Variants in ITPKB observed in about 807,000 individuals in gnomAD.
ITPKB encodes the protein IP3 3-kinase B.
Under a neutral mutation model 69.4 loss-of-function variants are expected in ITPKB, and 13 were observed. The observed-to-expected ratio is 0.19, with a 90% CI of 0.12 to 0.30. The LOEUF is 0.30. Ranked by LOEUF, ITPKB falls within the 10% of genes least tolerant of loss-of-function variation. ITPKB has a pLI of 1.00. For missense variants in ITPKB, 1,240 were observed against 1,250.5 expected, an observed-to-expected ratio of 0.99 and a Z score of 0.13; for synonymous variants, 584 against 513.7, an observed-to-expected ratio of 1.14 and a Z score of -1.85.
chr1:226,647,686 T>C (rs1240844984), intron 3 of ITPKB, among the ~76,000 whole-genome samples: 1 of 152,206 alleles, frequency 6.6e-6, no homozygotes, highest in African/African-American at 2.4e-5. Context: ...AGTCATTCCT[T>C]AGTGTTGCTA....
chr1:226,717,234 T>C (rs1268359977), intron 2 of ITPKB, among the ~76,000 whole-genome samples: 1 of 152,082 alleles, frequency 6.6e-6, no homozygotes, highest in Admixed American at 6.5e-5. Flanking sequence ...GAGACAGGAG[T>C]TAAAAGATGG....
chr1:226,732,070 G>GA (rs1163711387), intron 2 of ITPKB, among the ~76,000 whole-genome samples: 17 of 16,648 alleles, frequency 1.0e-3, no homozygotes, highest in Non-Finnish European at 1.6e-3. Context: ...TTTTCACTCA[G>GA]AAAAAAAAAA....
chr1:226,658,185 G>C (rs1669332357), intron 2 of ITPKB, among the ~76,000 whole-genome samples: 1 of 152,184 alleles, frequency 6.6e-6, no homozygotes, highest in Admixed American at 6.5e-5. Context: ...AAAGCAGTTA[G>C]GGTTTCCCTA....
intron 2 of ITPKB, chr1:226,674,770 C>T (rs977389965): frequency 5.1e-4 from 77 of 152,362 alleles, no homozygotes; most frequent in African/African-American, 1.8e-3. Flanking sequence ...TATTTGCCTC[C>T]TTTTCCTCAC....
chr1:226,723,498 A>T (rs896394026), intron 2 of ITPKB, among the ~76,000 whole-genome samples: 9 of 152,024 alleles, frequency 5.9e-5, no homozygotes, highest in Non-Finnish European at 5.9e-5. Context: ...TAAATCACAC[A>T]CGTCCAGAGA....
At chr1:226,735,325 T>G (rs764199068) in intron 2 of ITPKB, among the ~76,000 whole-genome samples, 2 of 152,238 alleles carry the variant, frequency 1.3e-5, no homozygotes, top group Non-Finnish European at 2.9e-5. Context: ...TCAGATTCAC[T>G]GTCCAAGCTA....
intron 2 of ITPKB, among the ~76,000 whole-genome samples, chr1:226,712,077 A>T (rs1272028970): frequency 6.6e-6 from 1 of 152,168 alleles, no homozygotes; most frequent in Admixed American, 6.5e-5. Flanking sequence ...GTAAGCCGCG[A>T]GGGTGGAAAC....
chr1:226,713,210 C>A (rs1340775543), intron 2 of ITPKB, among the ~76,000 whole-genome samples: 1 of 152,078 alleles, frequency 6.6e-6, no homozygotes, highest in African/African-American at 2.4e-5. Flanking sequence ...TTCTAGAATG[C>A]CCCCGCCCCC....
chr1:226,709,390 T>C (rs528591451), intron 2 of ITPKB, among the ~76,000 whole-genome samples: 42 of 152,312 alleles, frequency 2.8e-4, no homozygotes, highest in South Asian at 2.5e-3. Context: ...TAGGAGGATG[T>C]CCAGTGTCTG....
intron 7 of ITPKB, among the ~76,000 whole-genome samples, chr1:226,635,844 C>T (rs1275533187): frequency 3.9e-5 from 6 of 152,228 alleles, no homozygotes; most frequent in African/African-American, 7.2e-5. Context: ...GGGAGCGAGG[C>T]GCTTTCCCAA....
intron 2 of ITPKB, among the ~76,000 whole-genome samples, chr1:226,706,213 A>G (rs1221249348): frequency 1.3e-5 from 2 of 152,284 alleles, no homozygotes; most frequent in Non-Finnish European, 2.9e-5. Context: ...ATGATGGGAA[A>G]GAACGTGGTA....
chr1:226,640,715 C>T (rs1668944777), intron 5 of ITPKB, among the ~76,000 whole-genome samples: 1 of 151,934 alleles, frequency 6.6e-6, no homozygotes, highest in African/African-American at 2.4e-5. Flanking sequence ...CGGATGGGTA[C>T]GGAATTTGCA....
In ITPKB at chr1:226,634,414, A is replaced by G. The variant is rs529923705; in HGVS notation, c.*257T>C. ...GCAGCCAGGGACCCCCTCCAGCTCT[A>G]CACCTGACCCACCTCTAAGACTGGG... On this transcript the variant is annotated 3_prime_UTR_variant, in exon 8 of 8. Coordinates refer to ENST00000429204, the MANE Select transcript of ITPKB (RefSeq NM_002221.4). This position sits in a 1 kb window ranked among gnomAD's most constrained non-coding sequence, Gnocchi z 6.3. The G allele has an allele frequency of 1.0e-5, 5 of 488,916 alleles. No individual in the cohort carries two copies. The highest frequency in any genetic ancestry group is 9.7e-5 in the African/African-American group (5 of 51,534). 30.3% of individuals were successfully genotyped at this position (488,916 alleles called of 1,614,324 possible).
At chr1:226,686,326 A>G (rs894844323) in intron 2 of ITPKB, among the ~76,000 whole-genome samples, 1 of 152,212 alleles carries the variant, frequency 6.6e-6, no homozygotes, top group Admixed American at 6.5e-5. Flanking sequence ...TGTCTAGTAT[A>G]GATTGAAAGG....
Position 226,737,391 on chromosome 1 carries a change from C to T in ITPKB, c.68G>A (p.Gly23Asp), listed in dbSNP as rs1485083848. Residue 23 changes from glycine (G) to aspartate (D), a missense_variant, in exon 2 of 8, where the codon GGC becomes GAC. Physicochemically the swap from Gly to Asp is moderately conservative, Grantham distance 94 (BLOSUM62 -1). This residue lies in a region of ITPKB where 992 missense variants were observed against 853.8 expected (regional missense o/e 1.16). Coordinates refer to ENST00000429204, the MANE Select transcript of ITPKB (RefSeq NM_002221.4). ...GCTGCCACTGGGCCCCGGGCCGCCG[C>T]CGCTCTTCATCTCGTTGGCGCTATT... ...IMNSANEMKS[G>D]GGPGPSGSET... The T allele has an allele frequency of 6.2e-7, 1 of 1,610,876 alleles. No individual in the cohort carries two copies. Among genetic ancestry groups the T allele is most frequent in the East Asian group, 2.2e-5 (1 of 44,830 alleles).
At position 226,641,830 on chromosome 1, in the gene ITPKB, G is replaced by A. The variant is rs1668968167; in HGVS notation, c.2451+91C>T. On this transcript the variant is annotated intron_variant, in intron 5 of 7. Transcript: ENST00000429204. The surrounding 1 kb of genome is among the most constrained non-coding windows in gnomAD (Gnocchi z 4.6). The stretch of plus-strand genomic sequence containing the variant: ...ACATTCTGAGCCTGTGCCTGGAGAA[G>A]CTTACAGCTTCCAAAGGGCGCTGAG... 1.7e-6 allele frequency: 2 copies of A among 1,205,704 alleles called. No individual in the cohort carries two copies. Among genetic ancestry groups the A allele is most frequent in the Non-Finnish European group, 1.2e-6 (1 of 847,946 alleles). 74.7% of individuals were successfully genotyped at this position (1,205,704 alleles called of 1,614,324 possible).
intron 5 of ITPKB, among the ~76,000 whole-genome samples, chr1:226,640,499 C>T (rs1668936206): frequency 6.6e-6 from 1 of 152,100 alleles, no homozygotes; most frequent in Non-Finnish European, 1.5e-5. Flanking sequence ...GCAGTGCACC[C>T]CAGGCAGAGC....
intron 2 of ITPKB, chr1:226,707,489 G>T (rs929677447): frequency 1.0e-6 from 1 of 977,420 alleles, no homozygotes. Flanking sequence ...GAGCCACTGC[G>T]CCTGGCCAAT....
In ITPKB at chr1:226,641,344, AAC is replaced by A. The variant is rs1320542005; in HGVS notation, c.2451+575_2451+576del. Among the ~76,000 whole-genome samples the A allele has an allele frequency of 6.9e-6, 1 of 145,848 alleles. No homozygotes were observed. Among genetic ancestry groups the A allele is most frequent in the Admixed American group, 7.8e-5 (1 of 12,754 alleles). ...AAGAGCCATCATTTTGTAAACCACA[AAC>A]ACAAAGTAAATATATTAATTAGGGG... On this transcript the variant is annotated intron_variant, in intron 5 of 7. Transcript: ENST00000429204. The surrounding 1 kb of genome is among the most constrained non-coding windows in gnomAD (Gnocchi z 4.6).
Sources: allele counts gnomAD v4.1 joint callset (sites outside exome capture counted in the v4.1 genomes callset), GRCh38; gene constraint gnomAD v4.1.1; regional missense constraint gnomAD v4.1.1; non-coding constraint Gnocchi (gnomAD v3.1); transcripts MANE v1.5; gene names NCBI Gene and HGNC (gene_info 2026-07-23, HGNC 2026-07-21).